The following SLC25A36 variants were observed in gnomAD, a reference collection of about 807,000 sequenced individuals.
SLC25A36 encodes solute carrier family 25 member 36.
A neutral mutation model predicts 35.3 loss-of-function variants in SLC25A36; 24 were observed. The ratio of observed to expected loss-of-function variants is 0.68; its 90% CI spans 0.49 to 0.96. SLC25A36 has a LOEUF of 0.96. Among genes scored for constraint, SLC25A36 ranks in the 40% least tolerant of loss-of-function variants. The pLI, the probability that SLC25A36 is intolerant of heterozygous loss-of-function variation, is 0.00. For synonymous variants in SLC25A36, 141 were observed against 132.2 expected (o/e 1.07, Z -0.46); for missense variants, 294 against 381.1 (o/e 0.77, Z 1.90).
intron 4 of SLC25A36, chr3:140,970,704 T>C (rs887238136): frequency 8.6e-6 from 3 of 349,474 alleles, no homozygotes; most frequent in African/African-American, 6.4e-5. Flanking sequence ...ATATTCATTT[T>C]GCTTTTAAAA....
chr3:140,973,956 A>G lies in SLC25A36; in HGVS notation c.693A>G (p.Leu231=), dbSNP rs368968552. The G allele has an allele frequency of 1.9e-6, 3 of 1,597,272 alleles. No individual in the cohort carries two copies. Among genetic ancestry groups the G allele is most frequent in the South Asian group, 1.1e-5 (1 of 88,680 alleles). ...KEASDFVGMM[L]AAATSKTCAT... ...CATCAGATTTTGTGGGAATGATGCT[A>G]GCTGCTGCCACCTCAAAAACTTGTG... Residue 231 remains leucine (L), a synonymous_variant, in exon 6 of 7, where the codon CTA becomes CTG. Coordinates refer to ENST00000324194, the MANE Select transcript of SLC25A36 (RefSeq NM_001104647.3).
rs1310877507 is a variant in SLC25A36, at chr3:140,980,437, A to G, written c.*3984A>G. ...TCCAGTCTTGAGGAAACCAGGACGAAATATATTTTGTATTTCAACATTGAC... is the reference window on the plus strand; with the variant it reads ...TCCAGTCTTGAGGAAACCAGGACGAGATATATTTTGTATTTCAACATTGAC... On this transcript the variant is annotated 3_prime_UTR_variant, in exon 7 of 7. Coordinates refer to ENST00000324194, the MANE Select transcript of SLC25A36 (RefSeq NM_001104647.3). 1.3e-5 allele frequency among the ~76,000 whole-genome samples: 2 copies of G among 151,798 alleles called. No homozygotes were observed. The highest frequency in any genetic ancestry group is 2.9e-5 in the Non-Finnish European group (2 of 67,982).
intron 4 of SLC25A36, chr3:140,967,856 TA>T (rs1464473584): frequency 2.5e-6 from 1 of 403,050 alleles, no homozygotes; most frequent in Non-Finnish European, 3.4e-6. Context: ...TAGTTCTTCT[TA>T]ACTTACAAAT....
intron 3 of SLC25A36, among the ~76,000 whole-genome samples, chr3:140,962,202 G>A (rs1017108513): frequency 2.0e-5 from 3 of 151,832 alleles, no homozygotes; most frequent in Non-Finnish European, 4.4e-5. Flanking sequence ...AAATTAGAAT[G>A]TTTCATTTTC....
At chr3:140,975,340 C>T (rs754153724) in intron 6 of SLC25A36, among the ~76,000 whole-genome samples, 5 of 151,778 alleles carry the variant, frequency 3.3e-5, no homozygotes, top group Non-Finnish European at 7.4e-5. Flanking sequence ...ACTCTGGGCT[C>T]AAGCGATTCT....
At chr3:140,972,910 A>G (rs1304322840) in intron 5 of SLC25A36, 1 of 152,150 alleles carries the variant, frequency 6.6e-6, no homozygotes, top group Non-Finnish European at 1.5e-5. Context: ...CTGTTTTTTT[A>G]GTAGGTAGCA....
intron 3 of SLC25A36, among the ~76,000 whole-genome samples, chr3:140,960,061 T>G (rs1209682219): frequency 2.6e-5 from 4 of 152,154 alleles, no homozygotes; most frequent in African/African-American, 9.7e-5. Context: ...TTATATTGCA[T>G]AGACTAGGAG....
At chr3:140,953,441 G>A (rs2107789122) in intron 1 of SLC25A36, among the ~76,000 whole-genome samples, 1 of 150,284 alleles carries the variant, frequency 6.7e-6, no homozygotes, top group East Asian at 2.0e-4. Context: ...AAAGCTATGA[G>A]TGGAATTTTT....
intron 5 of SLC25A36, among the ~76,000 whole-genome samples, chr3:140,971,702 T>C (rs1357014657): frequency 6.6e-6 from 1 of 152,180 alleles, no homozygotes; most frequent in African/African-American, 2.4e-5. Context: ...CGTAGGGTCT[T>C]GCCATCTCAA....
chr3:140,973,918 T>C lies in SLC25A36; in HGVS notation c.655T>C (p.Ser219Pro). Residue 219 changes from serine (S) to proline (P), a missense_variant, in exon 6 of 7, where the codon TCT becomes CCT. Ser to Pro is a moderately conservative substitution (Grantham distance 74). Coordinates refer to ENST00000324194, the MANE Select transcript of SLC25A36 (RefSeq NM_001104647.3). ...TTCTACAATGGAAAATGATGAAGAGTCTGTGAAAGAAGCATCAGATTTTGT... is the reference window on the plus strand; with the variant it reads ...TTCTACAATGGAAAATGATGAAGAGCCTGTGAAAGAAGCATCAGATTTTGT... ...TASTMENDEESVKEASDFVGM... is the reference protein window; with the variant it reads ...TASTMENDEEPVKEASDFVGM... 6.2e-7 allele frequency: 1 copy of C among 1,611,134 alleles called. No individual in the cohort carries two copies. Among genetic ancestry groups the C allele is most frequent in the Non-Finnish European group, 8.5e-7 (1 of 1,178,252 alleles).
chr3:140,967,928 A>G (rs1272203037), intron 4 of SLC25A36: 6 of 961,260 alleles, frequency 6.2e-6, no homozygotes, highest in Non-Finnish European at 7.4e-6. Context: ...GAATCTTAAT[A>G]TAAATTGGCA....
intron 5 of SLC25A36, among the ~76,000 whole-genome samples, chr3:140,971,241 A>G (rs1189440248): frequency 6.6e-6 from 1 of 152,050 alleles, no homozygotes; most frequent in Non-Finnish European, 1.5e-5. Context: ...GAAAGATACC[A>G]TAGAGAAACA....
intron 1 of SLC25A36, 71 bp from the exon 2 acceptor site, chr3:140,956,456 C>T (rs1934480525): frequency 7.4e-7 from 1 of 1,353,796 alleles, no homozygotes; most frequent in Non-Finnish European, 9.5e-7. Flanking sequence ...ATGTGGATTA[C>T]AGCTCTGGGC....
intron 1 of SLC25A36, 87 bp downstream of exon 1, chr3:140,942,182 G>GTGGGGGGGTGGGGGGGCGGGAGTGAGGCC (rs1934023851): frequency 8.2e-6 from 1 of 121,690 alleles, no homozygotes; most frequent in Non-Finnish European, 1.7e-5. Context: ...GCCGAGGGGG[G>GTGGGGGGGTGGGGGGGCGGGAGTGAGGCC]TGGGGGGGTG....
rs1382820836 is a variant in SLC25A36 at position 140,956,951 on chromosome 3, C to T, written c.206+260C>T. ...TTATCCAGTGGAGTTTTTTCTAAAG[C>T]TATTATAAGTATTTTATTTTGGATT... On this transcript the variant is annotated intron_variant, in intron 2 of 6. Transcript: ENST00000324194. 7.6e-6 allele frequency: 3 copies of T among 395,248 alleles called. No homozygotes were observed. The East Asian group carries it at 1.8e-4, about 24-fold the overall frequency. 24.5% of individuals were successfully genotyped at this position (395,248 alleles called of 1,614,324 possible).
At chr3:140,958,143 T>C (rs1934524588) in intron 2 of SLC25A36, among the ~76,000 whole-genome samples, 1 of 152,196 alleles carries the variant, frequency 6.6e-6, no homozygotes, top group African/African-American at 2.4e-5. Context: ...GAAGTCTGGC[T>C]ACTCAGTTCA....
chr3:140,976,692 C>T lies in SLC25A36; in HGVS notation c.*239C>T, dbSNP rs1935057485. The stretch of plus-strand genomic sequence containing the variant: ...GAAATGCCTTTAGAAGCACTCCTCT[C>T]TCAAAATTGCCATTTTCTCTACCAT... On this transcript the variant is annotated 3_prime_UTR_variant, in exon 7 of 7. Transcript: ENST00000324194. 1 of 325,896 alleles carries T rather than the reference C, an allele frequency of 3.1e-6. No homozygotes were observed. Among genetic ancestry groups the T allele is most frequent in the African/African-American group, 2.1e-5 (1 of 46,592 alleles). 20.2% of individuals were successfully genotyped at this position (325,896 alleles called of 1,614,324 possible).
chr3:140,942,131 G>C, intron 1 of SLC25A36, 36 bp downstream of exon 1: 6 of 868,444 alleles, frequency 6.9e-6, no homozygotes, highest in South Asian at 2.0e-5. Flanking sequence ...CTGGGGCTGA[G>C]GGTGCTGGGG....
rs1161360187 is a variant in SLC25A36, at chr3:140,979,827, T to G, written c.*3374T>G. On this transcript the variant is annotated 3_prime_UTR_variant, in exon 7 of 7. Coordinates refer to ENST00000324194, the MANE Select transcript of SLC25A36 (RefSeq NM_001104647.3). Reference sequence around the variant, plus strand: ...GACTATTCATGTGAGGTTTGGTATCTTGCATTTATGTACATGGCTGTAAAT... The same window carrying G: ...GACTATTCATGTGAGGTTTGGTATCGTGCATTTATGTACATGGCTGTAAAT... 1 of 152,240 alleles carries G rather than the reference T, an allele frequency of 6.6e-6. No homozygotes were observed. The highest frequency in any genetic ancestry group is 1.5e-5 in the Non-Finnish European group (1 of 68,026). 9.4% of individuals were successfully genotyped at this position (152,240 alleles called of 1,614,324 possible). A position where few individuals can be genotyped will look rare whatever the true frequency, so the allele number is the denominator to read the frequency against.
Sources: gnomAD v4.1 joint callset for allele counts (sites outside exome capture counted in the v4.1 genomes callset) on GRCh38, gnomAD v4.1.1 for gene constraint, MANE v1.5 for transcripts, NCBI Gene and HGNC (gene_info 2026-07-23, HGNC 2026-07-21) for gene names.